PCDH15: variants seen among roughly 807,000 people sequenced by gnomAD.
The protein encoded by PCDH15 is protocadherin-15.
In PCDH15, 129 loss-of-function variants were observed where a neutral mutation model predicts 178.5. The observed-to-expected ratio is 0.72, with a 90% CI of 0.63 to 0.84. PCDH15 has a LOEUF of 0.84. Ranked by LOEUF, PCDH15 falls within the 40% of genes least tolerant of loss-of-function variation. PCDH15 has a pLI of 0.00. For synonymous variants in PCDH15, 800 were observed against 732.0 expected (o/e 1.09, Z -1.50); for missense variants, 2,230 against 2,099.9 (o/e 1.06, Z -1.21).
chr10:55,388,398 C>G (rs1197253150), intron 2 of PCDH15, among the ~76,000 whole-genome samples: 1 of 152,004 alleles, frequency 6.6e-6, no homozygotes, highest in Non-Finnish European at 1.5e-5. Flanking sequence ...TCTCTGAATC[C>G]TGTTGACTTG....
chr10:54,572,608 T>G (rs1230899956), intron 2 of PCDH15, among the ~76,000 whole-genome samples: 4 of 152,122 alleles, frequency 2.6e-5, no homozygotes, highest in Non-Finnish European at 5.9e-5. Context: ...ACCTGGCCTA[T>G]GAAAATGTAT....
chr10:54,140,716 C>T (rs994535360), intron 14 of PCDH15, among the ~76,000 whole-genome samples: 13 of 151,780 alleles, frequency 8.6e-5, no homozygotes, highest in African/African-American at 1.2e-4. Flanking sequence ...ATCCACTCTC[C>T]GTTGTCACCA....
intron 18 of PCDH15, among the ~76,000 whole-genome samples, chr10:54,036,379 G>A (rs1244176640): frequency 6.6e-6 from 1 of 151,852 alleles, no homozygotes; most frequent in Non-Finnish European, 1.5e-5. Flanking sequence ...GCTAAGAGCT[G>A]GTGACTTTAA....
At chr10:55,292,236 C>A (rs979801565) in intron 1 of PCDH15, among the ~76,000 whole-genome samples, 2 of 152,138 alleles carry the variant, frequency 1.3e-5, no homozygotes, top group East Asian at 3.8e-4. Flanking sequence ...TTAGTTACTT[C>A]CTAGATACAA....
chr10:54,328,031 T>A (rs1480485008), intron 7 of PCDH15, among the ~76,000 whole-genome samples: 3 of 152,022 alleles, frequency 2.0e-5, no homozygotes, highest in Admixed American at 6.6e-5. Flanking sequence ...TGTTGTACAT[T>A]CTATGGGAAT....
At chr10:55,023,778 C>A (rs1840398489) in intron 2 of PCDH15, among the ~76,000 whole-genome samples, 1 of 151,080 alleles carries the variant, frequency 6.6e-6, no homozygotes, top group Admixed American at 6.6e-5. Context: ...TAACTGTGTA[C>A]ACATATACAC....
At chr10:55,377,239 A>G (rs1837415467) in intron 2 of PCDH15, among the ~76,000 whole-genome samples, 1 of 151,782 alleles carries the variant, frequency 6.6e-6, no homozygotes, top group African/African-American at 2.4e-5. Context: ...TTAAGTTACA[A>G]CAAAAAGAGG....
At chr10:55,398,106 T>A (rs1837973116) in intron 2 of PCDH15, among the ~76,000 whole-genome samples, 1 of 152,104 alleles carries the variant, frequency 6.6e-6, no homozygotes, top group African/African-American at 2.4e-5. Context: ...TCCTCTTATT[T>A]ATGCCCTAAC....
chr10:53,816,392 GATTATTC>G (rs1244103654), intron 34 of PCDH15, 115 bp from the exon 35 acceptor site: 6 of 394,626 alleles, frequency 1.5e-5, no homozygotes, highest in African/African-American at 4.1e-5. Flanking sequence ...GTTTCCTTGG[GATTATTC>G]ATTATTCATG....
chr10:54,605,065 G>A (rs2092689306), intron 2 of PCDH15, among the ~76,000 whole-genome samples: 2 of 151,510 alleles, frequency 1.3e-5, no homozygotes, highest in East Asian at 1.9e-4. Context: ...ATAGATTATT[G>A]ATATCAGAAT....
At chr10:55,443,738 G>C (rs896293670) in intron 2 of PCDH15, among the ~76,000 whole-genome samples, 3 of 152,094 alleles carry the variant, frequency 2.0e-5, no homozygotes, top group Admixed American at 1.3e-4. Context: ...ATTCCTCAAG[G>C]ATCTAGAACT....
At position 54,412,649 on chromosome 10, in the gene PCDH15, C is replaced by A. The variant is rs148047030; in HGVS notation, c.158-33707G>T. Among the ~76,000 whole-genome samples, 451 of 152,300 alleles carry A rather than the reference C, an allele frequency of 3.0e-3. 2 individuals carry two copies. The highest frequency in any genetic ancestry group is 4.2e-3 in the Non-Finnish European group (288 of 68,024). On this transcript the variant is annotated intron_variant, in intron 3 of 37. Coordinates refer to ENST00000644397, the MANE Select transcript of PCDH15 (RefSeq NM_001384140.1). ...ATTAATGACTGTTACTGGCTACTTA[C>A]AACAAGCAACTTCACTTGGATCTAC... is the stretch of plus-strand genomic sequence containing the variant.
intron 3 of PCDH15, among the ~76,000 whole-genome samples, chr10:54,893,632 GATTAA>G (rs1246385983): frequency 6.6e-6 from 1 of 151,950 alleles, no homozygotes; most frequent in Non-Finnish European, 1.5e-5. Flanking sequence ...TTTAATCTGA[GATTAA>G]ATTAAATTAA....
At chr10:55,523,422 T>C (rs532494048) in intron 2 of PCDH15, among the ~76,000 whole-genome samples, 84 of 151,836 alleles carry the variant, frequency 5.5e-4, no homozygotes, top group African/African-American at 2.0e-3. Context: ...ATGTGATGTT[T>C]TGATAAGTGT....
Position 53,840,479 on chromosome 10 carries a change from A to C in PCDH15, c.3824T>G (p.Val1275Gly), listed in dbSNP as rs772964137. ...EDLTEILDRY[V>G]QEQIPGAKVV... ...CTTGGCACCAGGAATTTGTTCCTGA[A>C]CATAGCGATCCAAGATCCTATAAAT... Residue 1275 changes from valine to glycine, a missense_variant, in exon 29 of 38, where the codon GTT (valine) becomes GGT (glycine). By Grantham distance (109) the Val-to-Gly change is moderately radical. Transcript: ENST00000644397. 3 of 1,613,992 alleles carry C rather than the reference A, an allele frequency of 1.9e-6. No homozygotes were observed. Among genetic ancestry groups the C allele is most frequent in the Non-Finnish European group, 1.7e-6 (2 of 1,179,850 alleles).
At chr10:54,120,639 A>T (rs1211122947) in intron 15 of PCDH15, among the ~76,000 whole-genome samples, 3 of 152,218 alleles carry the variant, frequency 2.0e-5, no homozygotes, top group Non-Finnish European at 1.5e-5. Flanking sequence ...TACTATTCTC[A>T]TATCAGATAA....
intron 3 of PCDH15, among the ~76,000 whole-genome samples, chr10:54,854,525 G>A (rs1453103704): frequency 6.6e-6 from 1 of 152,136 alleles, no homozygotes. Context: ...CGCAGGGGGA[G>A]CTCCTTTCTG....
At chr10:55,241,981 G>A (rs1245788085) in intron 1 of PCDH15, among the ~76,000 whole-genome samples, 8 of 152,120 alleles carry the variant, frequency 5.3e-5, no homozygotes, top group African/African-American at 1.9e-4. Context: ...TAAAGATTAT[G>A]TGGTTTATGT....
chr10:55,463,878 AGAG>A, intron 2 of PCDH15, among the ~76,000 whole-genome samples: 3 of 101,680 alleles, frequency 3.0e-5, no homozygotes, highest in African/African-American at 1.1e-4. Flanking sequence ...AGAAAGAGAG[AGAG>A]AAAGAGAGGG....
Sources: allele counts gnomAD v4.1 joint callset (sites outside exome capture counted in the v4.1 genomes callset), GRCh38; gene constraint gnomAD v4.1.1; transcripts MANE v1.5; gene names NCBI Gene and HGNC (gene_info 2026-07-23, HGNC 2026-07-21).